The following JMJD1C variants were observed in gnomAD, a reference collection of about 807,000 sequenced individuals.
JMJD1C encodes jumonji domain containing 1C.
Under a neutral mutation model 245.3 loss-of-function variants are expected in JMJD1C, and 31 were observed. That is an observed-to-expected ratio of 0.13 (90% confidence interval 0.09 to 0.17). JMJD1C has a LOEUF of 0.17. Among genes scored for constraint, JMJD1C ranks in the 10% least tolerant of loss-of-function variants. The pLI is 1.00. For missense variants in JMJD1C, 2,691 were observed against 3,000.2 expected, an observed-to-expected ratio of 0.90 and a Z score of 2.41; for synonymous variants, 1,057 against 1,017.4, an observed-to-expected ratio of 1.04 and a Z score of -0.74.
intron 1 of JMJD1C, among the ~76,000 whole-genome samples, chr10:63,426,213 T>C (rs1950430251): frequency 6.6e-6 from 1 of 151,686 alleles, no homozygotes; most frequent in African/African-American, 2.4e-5. Flanking sequence ...ACCCTCTCTC[T>C]ACAAAAAAAT....
chr10:63,456,298 T>C (rs1241939782), intron 1 of JMJD1C, among the ~76,000 whole-genome samples: 1 of 152,092 alleles, frequency 6.6e-6, no homozygotes, highest in East Asian at 1.9e-4. Context: ...AAAAAGAACA[T>C]AGACCAAATA....
chr10:63,264,283 T>C (rs547017735), intron 3 of JMJD1C, among the ~76,000 whole-genome samples: 6 of 152,264 alleles, frequency 3.9e-5, no homozygotes, highest in Non-Finnish European at 8.8e-5. Context: ...ACATAAACAC[T>C]AATCTCATTT....
chr10:63,375,183 C>CTTTTTTTTTTTTTT (rs67008681), intron 2 of JMJD1C, among the ~76,000 whole-genome samples: 1 of 92,924 alleles, frequency 1.1e-5, no homozygotes, highest in Non-Finnish European at 2.0e-5. Context: ...TAAAAATTGG[C>CTTTTTTTTTTTTTT]TTTTTTTTTT....
intron 1 of JMJD1C, among the ~76,000 whole-genome samples, chr10:63,476,103 G>A (rs956364324): frequency 1.3e-4 from 20 of 151,940 alleles, no homozygotes; most frequent in Non-Finnish European, 2.4e-4. Flanking sequence ...CCAGCTACTC[G>A]AGAGGCTGAG....
rs140120262 is a variant in JMJD1C at position 63,362,506 on chromosome 10, G to T, written c.333+17812C>A. Reference sequence around the variant, plus strand: ...ATATTTATTTATTTTTTAAGACAGGGTCTCACTCTTTTGCCCAAGCTGGGG... The same window carrying T: ...ATATTTATTTATTTTTTAAGACAGGTTCTCACTCTTTTGCCCAAGCTGGGG... On this transcript the variant is annotated intron_variant, in intron 2 of 25. Coordinates refer to ENST00000399262, the MANE Select transcript of JMJD1C (RefSeq NM_032776.3). Among the ~76,000 whole-genome samples, 58 of 151,082 alleles carry T rather than the reference G, an allele frequency of 3.8e-4. No homozygotes were observed. In the East Asian group the frequency reaches 8.9e-3, roughly 23 times the overall value.
chr10:63,450,113 A>G (rs1168631774), intron 1 of JMJD1C, among the ~76,000 whole-genome samples: 1 of 152,162 alleles, frequency 6.6e-6, no homozygotes, highest in East Asian at 1.9e-4. Flanking sequence ...ACCCTGTCTC[A>G]AAAAACAAAA....
chr10:63,518,921 G>A (rs1955113377), intron 1 of JMJD1C, among the ~76,000 whole-genome samples: 1 of 152,194 alleles, frequency 6.6e-6, no homozygotes, highest in Non-Finnish European at 1.5e-5. Flanking sequence ...TGGGAAGCAT[G>A]AATTAGATCT....
In JMJD1C at chr10:63,446,437, G is replaced by A. The variant is rs887380957; in HGVS notation, c.168+19058C>T. 2.6e-5 allele frequency among the ~76,000 whole-genome samples: 4 copies of A among 152,188 alleles called. No individual in the cohort carries two copies. In the South Asian group the frequency reaches 8.3e-4, roughly 31 times the overall value. On this transcript the variant is annotated intron_variant, in intron 1 of 25. Transcript: ENST00000399262. ...TGTTTCAACAAGAGTCTGAGATTTA[G>A]GGGAGAGATCCAAACAAGGACATAG...
chr10:63,389,867 C>A (rs944059411), intron 1 of JMJD1C, among the ~76,000 whole-genome samples: 43 of 152,014 alleles, frequency 2.8e-4, no homozygotes, highest in African/African-American at 8.9e-4. Context: ...TCAAAACATA[C>A]CAAAATCTAG....
chr10:63,268,134 T>C (rs1003422749), intron 2 of JMJD1C, among the ~76,000 whole-genome samples: 4 of 149,690 alleles, frequency 2.7e-5, no homozygotes, highest in African/African-American at 9.9e-5. Flanking sequence ...AAAAACAGGC[T>C]TATTAACTGC....
intron 3 of JMJD1C, chr10:63,222,409 AAAG>A (rs1274697240): frequency 5.2e-6 from 5 of 955,368 alleles, no homozygotes; most frequent in Non-Finnish European, 5.2e-6. Context: ...GTAAATTTGA[AAAG>A]AATAACCCTG....
intron 2 of JMJD1C, among the ~76,000 whole-genome samples, chr10:63,337,829 CTGT>C (rs1450235481): frequency 6.6e-6 from 1 of 152,062 alleles, no homozygotes; most frequent in Admixed American, 6.6e-5. Context: ...TAGTGACATT[CTGT>C]TGTTATTACT....
At chr10:63,454,036 G>GTT (rs1267003951) in intron 1 of JMJD1C, among the ~76,000 whole-genome samples, 1 of 151,902 alleles carries the variant, frequency 6.6e-6, no homozygotes, top group Non-Finnish European at 1.5e-5. Flanking sequence ...AATTCTGTTT[G>GTT]TATCATCCCA....
At chr10:63,243,071 T>A (rs1326549058) in intron 3 of JMJD1C, among the ~76,000 whole-genome samples, 2 of 141,312 alleles carry the variant, frequency 1.4e-5, no homozygotes, top group Admixed American at 1.4e-4. Flanking sequence ...AACTTTGACT[T>A]CTCTCAAAGA....
intron 10 of JMJD1C, among the ~76,000 whole-genome samples, chr10:63,201,695 T>G (rs1474004085): frequency 2.6e-5 from 4 of 152,092 alleles, no homozygotes; most frequent in African/African-American, 9.7e-5. Context: ...TTTGGGAGGC[T>G]GAGGCGGGCG....
At chr10:63,277,597 A>G (rs928328504) in intron 2 of JMJD1C, among the ~76,000 whole-genome samples, 4 of 152,108 alleles carry the variant, frequency 2.6e-5, no homozygotes, top group African/African-American at 9.7e-5. Context: ...GGGATGGTAT[A>G]TTCTGGTCTC....
intron 1 of JMJD1C, among the ~76,000 whole-genome samples, chr10:63,428,874 C>G (rs559873114): frequency 6.6e-5 from 10 of 152,072 alleles, no homozygotes; most frequent in Non-Finnish European, 1.0e-4. Context: ...AAAAAATACT[C>G]GGTCAAGGTA....
chr10:63,514,257 G>A (rs114512745), intron 1 of JMJD1C, among the ~76,000 whole-genome samples: 2,028 of 152,186 alleles, frequency 0.013, 30 homozygotes, highest in African/African-American at 0.034. Context: ...ACTACCACTC[G>A]ACCCAGCAAT....
intron 2 of JMJD1C, among the ~76,000 whole-genome samples, chr10:63,299,483 C>T (rs1859831512): frequency 6.6e-6 from 1 of 151,868 alleles, no homozygotes; most frequent in Non-Finnish European, 1.5e-5. Flanking sequence ...TGAGCCACTG[C>T]ACCTGGCCCA....
Sources: gnomAD v4.1 joint callset for allele counts (sites outside exome capture counted in the v4.1 genomes callset) on GRCh38, gnomAD v4.1.1 for gene constraint, MANE v1.5 for transcripts, NCBI Gene and HGNC (gene_info 2026-07-23, HGNC 2026-07-21) for gene names.